The following CARMIL1 variants were observed in gnomAD, a reference collection of about 807,000 sequenced individuals.
The protein encoded by CARMIL1 is F-actin-uncapping protein LRRC16A.
In CARMIL1, 90 loss-of-function variants were observed where a neutral mutation model predicts 177.1. The observed-to-expected ratio is 0.51, with a 90% confidence interval of 0.43 to 0.61. The LOEUF is 0.61. Among genes scored for constraint, CARMIL1 ranks in the 20% least tolerant of loss-of-function variants. The pLI is 0.00. For missense variants in CARMIL1, 1,380 were observed against 1,667.0 expected (o/e 0.83, Z 3.00); for synonymous variants, 577 against 606.2 (o/e 0.95, Z 0.71).
At chr6:25,471,401 TATAATTGC>T (rs1801088086) in intron 10 of CARMIL1, 144 bp downstream of exon 10, 3 of 565,212 alleles carry the variant, frequency 5.3e-6, no homozygotes, top group Non-Finnish European at 9.1e-6. Context: ...AAAATATCCC[TATAATTGC>T]CATCATCATG....
chr6:25,600,540 C>T lies in CARMIL1; in HGVS notation c.3346C>T (p.His1116Tyr). ...CPRKDTKAAEHNGNSERIEEI... is the reference protein window; with the variant it reads ...CPRKDTKAAEYNGNSERIEEI... ...CAGGAAGGACACAAAGGCCGCCGAG[C>T]ACAATGGCAATTCTGAACGGATAGA... Residue 1116 changes from histidine to tyrosine, a missense_variant, in exon 33 of 37, where the codon CAC becomes TAC. By Grantham distance (83) the His-to-Tyr change is moderately conservative. Transcript: ENST00000329474. The T allele has an allele frequency of 6.2e-7, 1 of 1,613,998 alleles. No individual in the cohort carries two copies. The highest frequency in any genetic ancestry group is 8.5e-7 in the Non-Finnish European group (1 of 1,179,896).
At chr6:25,399,181 G>T (rs975555818) in intron 2 of CARMIL1, among the ~76,000 whole-genome samples, 4 of 152,190 alleles carry the variant, frequency 2.6e-5, no homozygotes, top group Non-Finnish European at 5.9e-5. Flanking sequence ...GCCTTTTGTG[G>T]CTAGAAAAAG....
intron 28 of CARMIL1, among the ~76,000 whole-genome samples, chr6:25,555,857 T>G (rs1434686725): frequency 1.3e-5 from 2 of 152,226 alleles, no homozygotes; most frequent in African/African-American, 4.8e-5. Context: ...ATTTTTCACT[T>G]TTTTGCATTT....
intron 2 of CARMIL1, among the ~76,000 whole-genome samples, chr6:25,323,250 A>C (rs540643513): frequency 3.9e-5 from 6 of 151,908 alleles, no homozygotes; most frequent in Non-Finnish European, 8.8e-5. Context: ...TTGGTAGAAA[A>C]GAATATTCTC....
At chr6:25,474,939 G>A (rs546887731) in intron 11 of CARMIL1, among the ~76,000 whole-genome samples, 1 of 152,334 alleles carries the variant, frequency 6.6e-6, no homozygotes, top group Admixed American at 6.5e-5. Flanking sequence ...ACACTTCTCA[G>A]TGTTTAGAGA....
At chr6:25,485,673 G>A (rs1262807521) in intron 12 of CARMIL1, among the ~76,000 whole-genome samples, 1 of 152,208 alleles carries the variant, frequency 6.6e-6, no homozygotes, top group East Asian at 1.9e-4. Context: ...GACCTCAGGT[G>A]ATCCATCTGC....
At chr6:25,328,098 A>C (rs538310667) in intron 2 of CARMIL1, among the ~76,000 whole-genome samples, 1 of 152,328 alleles carries the variant, frequency 6.6e-6, no homozygotes, top group African/African-American at 2.4e-5. Flanking sequence ...ATTAGTAGAT[A>C]AGGAAATGAG....
chr6:25,588,690 T>C (rs1254400966), intron 31 of CARMIL1, among the ~76,000 whole-genome samples: 1 of 152,222 alleles, frequency 6.6e-6, no homozygotes, highest in African/African-American at 2.4e-5. Context: ...GTGACAAGTA[T>C]TCCCTTAAGG....
intron 3 of CARMIL1, 64 bp from the exon 4 acceptor site, chr6:25,426,437 G>A: frequency 9.6e-7 from 1 of 1,037,320 alleles, no homozygotes; most frequent in Non-Finnish European, 1.4e-6. Flanking sequence ...TTTACCTTAA[G>A]TTATATGTTT....
At chr6:25,528,724 T>C in intron 23 of CARMIL1, 71 bp from the exon 24 acceptor site, 1 of 1,138,334 alleles carries the variant, frequency 8.8e-7, no homozygotes, top group Admixed American at 2.0e-5. Flanking sequence ...GGCAACTGAC[T>C]GTTTCACTTA....
intron 2 of CARMIL1, among the ~76,000 whole-genome samples, chr6:25,372,748 C>T (rs1790547995): frequency 6.6e-6 from 1 of 152,048 alleles, no homozygotes; most frequent in Non-Finnish European, 1.5e-5. Flanking sequence ...TCTCTCTTGC[C>T]TGATTGCTCT....
chr6:25,343,166 A>C (rs562497049), intron 2 of CARMIL1, among the ~76,000 whole-genome samples: 46 of 152,318 alleles, frequency 3.0e-4, no homozygotes, highest in Non-Finnish European at 5.7e-4. Flanking sequence ...GTGTGTTTTC[A>C]TGCACTCTCC....
At chr6:25,450,585 T>G (rs1172119094) in intron 7 of CARMIL1, 53 bp from the exon 8 acceptor site, 3 of 1,174,870 alleles carry the variant, frequency 2.6e-6, no homozygotes, top group South Asian at 1.3e-5. Context: ...TCTCTCTTGC[T>G]TTCCTGGTCA....
chr6:25,460,732 A>T (rs1277944071), intron 8 of CARMIL1, among the ~76,000 whole-genome samples: 2 of 152,224 alleles, frequency 1.3e-5, no homozygotes, highest in African/African-American at 4.8e-5. Context: ...TGAACATTCC[A>T]TAATTTATCC....
intron 29 of CARMIL1, among the ~76,000 whole-genome samples, chr6:25,580,299 C>T (rs1157274197): frequency 6.6e-6 from 1 of 152,152 alleles, no homozygotes. Flanking sequence ...ACAGTTGACA[C>T]CAATGCTAGG....
Position 25,426,612 on chromosome 6 carries a change from G to A in CARMIL1, c.249+52G>A, listed in dbSNP as rs58035001. ...AGATCATGATCTTTCTTGAATTCTTGAAACCCTAAAATGTTCCTTGAGACA... is the reference window on the plus strand; with the variant it reads ...AGATCATGATCTTTCTTGAATTCTTAAAACCCTAAAATGTTCCTTGAGACA... On this transcript the variant is annotated intron_variant, in intron 4 of 36. Transcript: ENST00000329474. 11,044 of 1,521,374 alleles carry A rather than the reference G, an allele frequency of 7.3e-3. 238 individuals are homozygous for A. The highest frequency in any genetic ancestry group is 0.072 in the African/African-American group (5,263 of 72,764). The allele number at this position is 1,521,374 out of a possible 1,614,324, so 94.2% of individuals were successfully genotyped here. A position where few individuals can be genotyped will look rare whatever the true frequency, so the allele number is the denominator to read the frequency against.
At chr6:25,385,718 A>G (rs922039999) in intron 2 of CARMIL1, among the ~76,000 whole-genome samples, 16 of 152,214 alleles carry the variant, frequency 1.1e-4, no homozygotes, top group African/African-American at 3.9e-4. Context: ...GATTTGGATC[A>G]GTCAGCACTA....
At chr6:25,605,146 G>GT (rs1180602544) in intron 34 of CARMIL1, among the ~76,000 whole-genome samples, 1 of 152,240 alleles carries the variant, frequency 6.6e-6, no homozygotes, top group East Asian at 1.9e-4. Context: ...AATTCTGACT[G>GT]TTTTTTCATT....
chr6:25,440,170 A>G (rs1176652886), intron 5 of CARMIL1, among the ~76,000 whole-genome samples: 2 of 152,184 alleles, frequency 1.3e-5, no homozygotes, highest in Non-Finnish European at 2.9e-5. Flanking sequence ...AAGTCAGAAG[A>G]CAGTGGCCCT....
Sources: allele counts gnomAD v4.1 joint callset (sites outside exome capture counted in the v4.1 genomes callset), GRCh38; gene constraint gnomAD v4.1.1; transcripts MANE v1.5; gene names NCBI Gene and HGNC (gene_info 2026-07-23, HGNC 2026-07-21).